The following CLEC2D variants were observed in gnomAD, a reference collection of about 807,000 sequenced individuals.
CLEC2D encodes C-type lectin domain family 2 member D, also known as C-type lectin related f.
Under a neutral mutation model 20.0 loss-of-function variants are expected in CLEC2D, and 16 were observed. The ratio of observed to expected loss-of-function variants is 0.80; its 90% CI spans 0.54 to 1.22. The LOEUF (loss-of-function observed/expected upper bound fraction) is 1.22. Among genes scored for constraint, CLEC2D ranks in the 50% most tolerant of loss-of-function variants. The pLI, the probability that CLEC2D is intolerant of heterozygous loss-of-function variation, is 0.00. For synonymous variants in CLEC2D, 77 were observed against 71.1 expected, an observed-to-expected ratio of 1.08 and a Z score of -0.42; for missense variants, 207 against 221.5, an observed-to-expected ratio of 0.93 and a Z score of 0.42.
chr12:9,692,925 C>T lies in CLEC2D; in HGVS notation c.455C>T (p.Thr152Ile). The T allele has an allele frequency of 1.2e-6, 2 of 1,612,152 alleles. No individual in the cohort carries two copies. The highest frequency in any genetic ancestry group is 1.7e-6 in the Non-Finnish European group (2 of 1,178,488). Residue 152 changes from threonine to isoleucine, a missense_variant, in exon 4 of 5, where the codon ACA becomes ATA. Physicochemically the swap from Thr to Ile is moderately conservative, Grantham distance 89 (BLOSUM62 -1). Coordinates refer to ENST00000290855, the MANE Select transcript of CLEC2D (RefSeq NM_013269.6). ...PWKWINGTEWTRQFPILGAGE... is the reference protein window; with the variant it reads ...PWKWINGTEWIRQFPILGAGE... ...AAATGGATAAATGGTACTGAATGGACAAGACAGTAAGTTCTAAAAATCTGG... is the reference window on the plus strand; with the variant it reads ...AAATGGATAAATGGTACTGAATGGATAAGACAGTAAGTTCTAAAAATCTGG...
chr12:9,669,822 G>A, intron 1 of CLEC2D, 27 bp downstream of exon 1: 1 of 1,570,070 alleles, frequency 6.4e-7, no homozygotes. Context: ...TACAGAGTAA[G>A]TGTGAGGACT....
At chr12:9,681,607 T>G in intron 2 of CLEC2D, among the ~76,000 whole-genome samples, 1 of 112,066 alleles carries the variant, frequency 8.9e-6, no homozygotes, top group Non-Finnish European at 1.9e-5. Flanking sequence ...TTGCAGTGCA[T>G]CTAATATAGA....
chr12:9,677,241 A>G (rs1361783113), intron 1 of CLEC2D, among the ~76,000 whole-genome samples: 1 of 152,066 alleles, frequency 6.6e-6, no homozygotes, highest in Non-Finnish European at 1.5e-5. Context: ...TAATAGATGC[A>G]TTCAATACTA....
At chr12:9,678,725 C>T (rs11052369) in intron 1 of CLEC2D, among the ~76,000 whole-genome samples, 4,039 of 152,018 alleles carry the variant, frequency 0.027, 195 homozygotes, top group African/African-American at 0.093. Context: ...ATTTTTGTAG[C>T]GACAGAGTCT....
In CLEC2D at chr12:9,695,711, A is replaced by C. The variant is rs1865969506; in HGVS notation, c.*837A>C. 5 of 1,553,496 alleles carry C rather than the reference A, an allele frequency of 3.2e-6. No homozygotes were observed. Among genetic ancestry groups the C allele is most frequent in the Non-Finnish European group, 3.5e-6 (4 of 1,134,556 alleles). On this transcript the variant is annotated 3_prime_UTR_variant, in exon 5 of 5. Transcript: ENST00000290855. ...TTGAAGTGTGGTTCAGGGCCAGTGC[A>C]TATTAGTGGACAGCACTTAGTAGCT...
rs1865972175 is a variant in CLEC2D at position 9,695,787 on chromosome 12, CTT to C, written c.*914_*915del. 2.2e-6 allele frequency: 3 copies of C among 1,334,146 alleles called. No individual in the cohort carries two copies. The Admixed American group carries it at 5.0e-5, about 22-fold the overall frequency. The allele number at this position is 1,334,146 out of a possible 1,614,324, so 82.6% of individuals were successfully genotyped here. On this transcript the variant is annotated 3_prime_UTR_variant, in exon 5 of 5. Transcript: ENST00000290855. ...ATGAAGAAGAGGAGGATGTGAAACT[CTT>C]AAGTATATCTGGAAAGCAGTCTGCC...
At position 9,695,763 on chromosome 12, in the gene CLEC2D, T is replaced by A; in HGVS notation, c.*889T>A. 1 of 1,390,548 alleles carries A rather than the reference T, an allele frequency of 7.2e-7. No individual in the cohort carries two copies. The highest frequency in any genetic ancestry group is 2.3e-5 in the East Asian group (1 of 43,818). The allele number at this position is 1,390,548 out of a possible 1,614,324, so 86.1% of individuals were successfully genotyped here. On this transcript the variant is annotated 3_prime_UTR_variant, in exon 5 of 5. Transcript: ENST00000290855. ...TGAAGGAAGGTGCAGAGTCAGAAGA[T>A]GAAGAAGAGGAGGATGTGAAACTCT...
intron 1 of CLEC2D, among the ~76,000 whole-genome samples, 153 bp downstream of exon 1, chr12:9,669,948 G>A (rs752037318): frequency 1.3e-5 from 2 of 152,072 alleles, no homozygotes; most frequent in African/African-American, 4.8e-5. Flanking sequence ...TATAATTTGT[G>A]TAAAACATGC....
intron 3 of CLEC2D, among the ~76,000 whole-genome samples, chr12:9,689,033 G>T (rs1185433137): frequency 6.6e-6 from 1 of 152,198 alleles, no homozygotes; most frequent in Non-Finnish European, 1.5e-5. Flanking sequence ...ATGAATTCCT[G>T]CAGCCAGGGT....
Position 9,684,507 on chromosome 12 carries a change from C to T in CLEC2D, c.173-3395C>T, listed in dbSNP as rs546200111. On this transcript the variant is annotated intron_variant, in intron 2 of 4. Coordinates refer to ENST00000290855, the MANE Select transcript of CLEC2D (RefSeq NM_013269.6). The stretch of plus-strand genomic sequence containing the variant: ...GCTTTTGGCCACTCAGTATGATATT[C>T]GCTATGAGTTTGTCATAAATAGCTT... 4.1e-4 allele frequency among the ~76,000 whole-genome samples: 63 copies of T among 152,196 alleles called. 1 individual carries two copies. The South Asian group carries it at 0.013, about 31-fold the overall frequency.
Position 9,687,919 on chromosome 12 carries a change from C to A in CLEC2D, c.190C>A (p.His64Asn). ...ATTTTCAGCAATAAGAGCTAACTGCCATCAAGAGCCATCAGTATGTCTTCA... is the reference window on the plus strand; with the variant it reads ...ATTTTCAGCAATAAGAGCTAACTGCAATCAAGAGCCATCAGTATGTCTTCA... ...AALSAIRANC[H>N]QEPSVCLQAA... The change falls in exon 3 of 5, where the codon CAT (histidine) becomes AAT (asparagine). Residue 64 changes from histidine (H) to asparagine (N), a missense_variant. Transcript: ENST00000290855. 6.3e-7 allele frequency: 1 copy of A among 1,589,100 alleles called. No individual in the cohort carries two copies. The highest frequency in any genetic ancestry group is 8.6e-7 in the Non-Finnish European group (1 of 1,166,916).
chr12:9,692,131 C>G (rs537255853), intron 3 of CLEC2D, among the ~76,000 whole-genome samples: 1 of 151,366 alleles, frequency 6.6e-6, no homozygotes, highest in South Asian at 2.1e-4. Context: ...TTCTTTCGTT[C>G]GTTCGTTCGT....
At chr12:9,687,076 G>A (rs1287532939) in intron 2 of CLEC2D, among the ~76,000 whole-genome samples, 3 of 152,086 alleles carry the variant, frequency 2.0e-5, no homozygotes, top group Non-Finnish European at 4.4e-5. Flanking sequence ...GTCAAGGAAT[G>A]GTTTGGGGAT....
At chr12:9,688,888 A>G (rs994946994) in intron 3 of CLEC2D, among the ~76,000 whole-genome samples, 4 of 152,208 alleles carry the variant, frequency 2.6e-5, no homozygotes, top group African/African-American at 9.6e-5. Context: ...TGGAAGCATC[A>G]AGGGAAGAGT....
intron 1 of CLEC2D, among the ~76,000 whole-genome samples, chr12:9,671,775 C>T (rs1052413825): frequency 6.6e-6 from 1 of 152,078 alleles, no homozygotes; most frequent in Non-Finnish European, 1.5e-5. Flanking sequence ...GTATTAAGTT[C>T]GGGGCAGTGA....
chr12:9,684,931 T>C (rs998429097), intron 2 of CLEC2D, among the ~76,000 whole-genome samples: 4 of 152,188 alleles, frequency 2.6e-5, no homozygotes, highest in African/African-American at 9.7e-5. Flanking sequence ...TTTCTATTGT[T>C]TGGAATAATT....
intron 1 of CLEC2D, among the ~76,000 whole-genome samples, 159 bp downstream of exon 1, chr12:9,669,954 C>T (rs1054046194): frequency 6.6e-6 from 1 of 151,926 alleles, no homozygotes; most frequent in African/African-American, 2.4e-5. Flanking sequence ...TTGTGTAAAA[C>T]ATGCATATAT....
intron 3 of CLEC2D, among the ~76,000 whole-genome samples, chr12:9,691,086 C>T (rs183302403): frequency 6.6e-6 from 1 of 152,138 alleles, no homozygotes; most frequent in East Asian, 1.9e-4. Context: ...AAAGATATTC[C>T]ATACAAACAG....
chr12:9,675,932 ATTTG>A (rs1206532930), intron 1 of CLEC2D, among the ~76,000 whole-genome samples: 3 of 152,172 alleles, frequency 2.0e-5, no homozygotes, highest in African/African-American at 7.2e-5. Flanking sequence ...TTAAAAGTCC[ATTTG>A]TTTATTTCTG....
Sources: allele counts gnomAD v4.1 joint callset (sites outside exome capture counted in the v4.1 genomes callset), GRCh38; gene constraint gnomAD v4.1.1; transcripts MANE v1.5; gene names NCBI Gene and HGNC (gene_info 2026-07-23, HGNC 2026-07-21).